The following ZNF710 variants were observed in gnomAD, a reference collection of about 807,000 sequenced individuals.
ZNF710 encodes the protein zinc finger protein 710.
Under a neutral mutation model 50.6 loss-of-function variants are expected in ZNF710, and 13 were observed. The ratio of observed to expected loss-of-function variants is 0.26; its 90% CI spans 0.17 to 0.41. The LOEUF is 0.41. Ranked by LOEUF, ZNF710 falls within the 10% of genes least tolerant of loss-of-function variation. The pLI is 1.00. For synonymous variants in ZNF710, 383 were observed against 397.0 expected (o/e 0.96, Z 0.42); for missense variants, 721 against 936.6 (o/e 0.77, Z 3.01).
At chr15:90,060,017 G>A (rs796571762) in intron 1 of ZNF710, among the ~76,000 whole-genome samples, 76 of 152,228 alleles carry the variant, frequency 5.0e-4, no homozygotes, top group African/African-American at 1.7e-3. Context: ...CCAGACCCAG[G>A]GTCAGGAGCC....
rs1470843884 is a variant in ZNF710 at position 90,034,204 on chromosome 15, A to AAAG, written c.-29+32593_-29+32595dup. ...CAGAGTGAGACTCTGTCTCAAAAAA[A>AAAG]AAGAAAAGAAAAGAAAAGAAAAGAA... is the stretch of plus-strand genomic sequence containing the variant. On this transcript the variant is annotated intron_variant, in intron 1 of 4. Coordinates refer to ENST00000268154, the MANE Select transcript of ZNF710 (RefSeq NM_198526.4). This position sits in a 1 kb window ranked among gnomAD's most constrained non-coding sequence, Gnocchi z 4.0. Among the ~76,000 whole-genome samples, 1 of 146,576 alleles carries AAAG rather than the reference A, an allele frequency of 6.8e-6. No homozygotes were observed. The highest frequency in any genetic ancestry group is 1.5e-5 in the Non-Finnish European group (1 of 66,914).
intron 1 of ZNF710, among the ~76,000 whole-genome samples, chr15:90,016,629 G>A (rs1413060983): frequency 1.3e-5 from 2 of 152,076 alleles, no homozygotes; most frequent in Admixed American, 1.3e-4. Flanking sequence ...TTTTGTAGAG[G>A]TGGGGTCTGT....
intron 1 of ZNF710, among the ~76,000 whole-genome samples, chr15:90,032,195 G>A (rs1026152757): frequency 7.9e-5 from 12 of 151,922 alleles, no homozygotes; most frequent in Non-Finnish European, 1.3e-4. Flanking sequence ...ACAGAGTTTT[G>A]CCATATTGGC....
rs1900269151 is a variant in ZNF710, at chr15:90,068,517, G to A, written c.1380G>A (p.Val460=). The change falls in exon 2 of 5, where the codon GTG becomes GTA. Residue 460 remains valine, a synonymous_variant. Coordinates refer to ENST00000268154, the MANE Select transcript of ZNF710 (RefSeq NM_198526.4). This position sits in a 1 kb window ranked among gnomAD's most constrained non-coding sequence, Gnocchi z 5.0. ...LQNHMLKHQN[V]RPFVCTECGM... Reference sequence around the variant, plus strand: ...ACCACATGCTCAAGCACCAGAACGTGCGACCCTTCGTGTGCACTGAATGCG... The same window carrying A: ...ACCACATGCTCAAGCACCAGAACGTACGACCCTTCGTGTGCACTGAATGCG... 6.2e-7 allele frequency: 1 copy of A among 1,613,164 alleles called. No individual in the cohort carries two copies. Among genetic ancestry groups the A allele is most frequent in the African/African-American group, 1.3e-5 (1 of 74,928 alleles).
chr15:90,010,711 C>A (rs556635411), intron 1 of ZNF710, among the ~76,000 whole-genome samples: 9 of 152,022 alleles, frequency 5.9e-5, no homozygotes, highest in African/African-American at 2.2e-4. Flanking sequence ...TCCTTCAGTC[C>A]GTTTTTTCTC....
rs1038430075 is a variant in ZNF710, at chr15:90,059,639, C to T, written c.-28-7471C>T. Among the ~76,000 whole-genome samples, 5 of 152,042 alleles carry T rather than the reference C, an allele frequency of 3.3e-5. No individual in the cohort carries two copies. Among genetic ancestry groups the T allele is most frequent in the Non-Finnish European group, 5.9e-5 (4 of 67,988 alleles). Reference sequence around the variant, plus strand: ...TCTCGAACTTCCCCTGCCCCTCCCCCGTGCCGGCGGCAGCTCCCTGGGCCT... The same window carrying T: ...TCTCGAACTTCCCCTGCCCCTCCCCTGTGCCGGCGGCAGCTCCCTGGGCCT... On this transcript the variant is annotated intron_variant, in intron 1 of 4. Transcript: ENST00000268154. The surrounding 1 kb of genome is among the most constrained non-coding windows in gnomAD (Gnocchi z 4.1).
At chr15:90,075,220 G>A (rs1228253332) in intron 4 of ZNF710, 1 of 152,360 alleles carries the variant, frequency 6.6e-6, no homozygotes, top group African/African-American at 2.4e-5. Flanking sequence ...CTACAGTTGG[G>A]AGCTATTTCT....
At chr15:90,070,353 ATT>A (rs1232804909) in intron 2 of ZNF710, among the ~76,000 whole-genome samples, 1 of 138,860 alleles carries the variant, frequency 7.2e-6, no homozygotes, top group Non-Finnish European at 1.6e-5. Context: ...ATAGCAAGAC[ATT>A]TTTTTTTTTT....
At chr15:90,030,290 T>C (rs1898894614) in intron 1 of ZNF710, among the ~76,000 whole-genome samples, 2 of 127,372 alleles carry the variant, frequency 1.6e-5, no homozygotes, top group Non-Finnish European at 3.1e-5. Flanking sequence ...TATCACGCCA[T>C]TGCATTCCGG....
In ZNF710 at chr15:90,079,870, C is replaced by T; in HGVS notation, c.*41C>T. 6.4e-7 allele frequency: 1 copy of T among 1,551,394 alleles called. No homozygotes were observed. On this transcript the variant is annotated 3_prime_UTR_variant, in exon 5 of 5. Coordinates refer to ENST00000268154, the MANE Select transcript of ZNF710 (RefSeq NM_198526.4). ...CCCTAACGGGGGCCGGGGGCGAGGG[C>T]ATGGGGGTGAGACCCATGGGCTGCA...
chr15:90,052,264 A>AG (rs1425550904), intron 1 of ZNF710, among the ~76,000 whole-genome samples: 12 of 151,982 alleles, frequency 7.9e-5, no homozygotes, highest in African/African-American at 2.7e-4. Flanking sequence ...TTTTTGTCGC[A>AG]GGGGACTTGA....
chr15:90,059,633 C>G lies in ZNF710; in HGVS notation c.-28-7477C>G, dbSNP rs1899940099. Among the ~76,000 whole-genome samples, 1 of 152,192 alleles carries G rather than the reference C, an allele frequency of 6.6e-6. No individual in the cohort carries two copies. The highest frequency in any genetic ancestry group is 2.4e-5 in the African/African-American group (1 of 41,444). On this transcript the variant is annotated intron_variant, in intron 1 of 4. Coordinates refer to ENST00000268154, the MANE Select transcript of ZNF710 (RefSeq NM_198526.4). The surrounding 1 kb of genome is among the most constrained non-coding windows in gnomAD (Gnocchi z 4.1). ...AGAGACTCTCGAACTTCCCCTGCCC[C>G]TCCCCCGTGCCGGCGGCAGCTCCCT...
At chr15:90,070,058 T>C (rs545941690) in intron 2 of ZNF710, among the ~76,000 whole-genome samples, 2 of 152,310 alleles carry the variant, frequency 1.3e-5, no homozygotes, top group African/African-American at 4.8e-5. Flanking sequence ...CAGGTCAAAC[T>C]TGTGACCCTG....
intron 1 of ZNF710, among the ~76,000 whole-genome samples, chr15:90,037,117 G>A (rs989378561): frequency 2.0e-5 from 3 of 152,282 alleles, no homozygotes; most frequent in Admixed American, 1.3e-4. Context: ...GCAGGGGCTC[G>A]GGGTGGGGGT....
intron 1 of ZNF710, among the ~76,000 whole-genome samples, chr15:90,008,207 T>C (rs1218656231): frequency 1.3e-5 from 2 of 151,860 alleles, no homozygotes; most frequent in African/African-American, 4.8e-5. Flanking sequence ...CTAATTAATG[T>C]GTATGGCTCA....
intron 1 of ZNF710, among the ~76,000 whole-genome samples, chr15:90,010,750 T>A (rs1898276456): frequency 6.6e-6 from 1 of 152,164 alleles, no homozygotes; most frequent in African/African-American, 2.4e-5. Context: ...ATACTCTTTT[T>A]AAAAATTTTT....
intron 1 of ZNF710, among the ~76,000 whole-genome samples, chr15:90,061,650 A>G (rs1900011124): frequency 6.6e-6 from 1 of 152,042 alleles, no homozygotes; most frequent in Non-Finnish European, 1.5e-5. Context: ...AGCCACCCTG[A>G]TCCCACCCGA....
rs1567236953 is a variant in ZNF710, at chr15:90,058,721, A to ATATATGTATG, written c.-28-8389_-28-8388insTATATGTATG. Reference sequence around the variant, plus strand: ...TATATTTATATATATATATATATACACACATATACACACACACGTACACAG... The same window carrying ATATATGTATG: ...TATATTTATATATATATATATATACATATATGTATGCACATATACACACACACGTACACAG... On this transcript the variant is annotated intron_variant, in intron 1 of 4. Coordinates refer to ENST00000268154, the MANE Select transcript of ZNF710 (RefSeq NM_198526.4). Among the ~76,000 whole-genome samples the ATATATGTATG allele has an allele frequency of 8.1e-3, 1,171 of 144,578 alleles. 38 individuals carry two copies. The highest frequency in any genetic ancestry group is 0.032 in the African/African-American group (1,123 of 34,562). 94.8% of individuals were successfully genotyped at this position (144,578 alleles called of 152,430 possible).
At chr15:90,052,542 T>C (rs1899677588) in intron 1 of ZNF710, among the ~76,000 whole-genome samples, 1 of 152,168 alleles carries the variant, frequency 6.6e-6, no homozygotes, top group African/African-American at 2.4e-5. Flanking sequence ...TATAATCAGC[T>C]CCAATCCTGC....
Sources: allele counts gnomAD v4.1 joint callset (sites outside exome capture counted in the v4.1 genomes callset), GRCh38; gene constraint gnomAD v4.1.1; non-coding constraint Gnocchi (gnomAD v3.1); transcripts MANE v1.5; gene names NCBI Gene and HGNC (gene_info 2026-07-23, HGNC 2026-07-21).